The following COL27A1 variants were observed in gnomAD, a reference collection of about 807,000 sequenced individuals.
The protein encoded by COL27A1 is collagen type XXVII alpha 1 chain, also known as collagen alpha-1(XXVII) chain.
Under a neutral mutation model 251.3 loss-of-function variants are expected in COL27A1, and 106 were observed. The ratio of observed to expected loss-of-function variants is 0.42; its 90% confidence interval spans 0.36 to 0.50. COL27A1 has a LOEUF of 0.50. Among genes scored for constraint, COL27A1 ranks in the 20% least tolerant of loss-of-function variants. COL27A1 has a pLI of 0.00. For synonymous variants in COL27A1, 1,000 were observed against 986.3 expected (o/e 1.01, Z -0.26); for missense variants, 2,325 against 2,522.8 (o/e 0.92, Z 1.68).
chr9:114,252,999 G>GAGCCACCACACCCA, intron 27 of COL27A1, 67 bp downstream of exon 27: 4 of 1,302,768 alleles, frequency 3.1e-6, no homozygotes, highest in Non-Finnish European at 4.4e-6. Context: ...GGCTGGGTGT[G>GAGCCACCACACCCA]GTGGCTCACA....
intron 22 of COL27A1, among the ~76,000 whole-genome samples, chr9:114,243,197 GC>G (rs1285350049): frequency 6.6e-6 from 1 of 152,142 alleles, no homozygotes; most frequent in Admixed American, 6.5e-5. Flanking sequence ...TTCCTTCCCT[GC>G]ACCCCCCGAT....
At chr9:114,248,727 T>G (rs1243339582) in intron 24 of COL27A1, among the ~76,000 whole-genome samples, 1 of 152,218 alleles carries the variant, frequency 6.6e-6, no homozygotes. Context: ...TGTATGGCTC[T>G]TATTCATTAG....
rs544400611 is a variant in COL27A1, at chr9:114,269,095, G to A, written c.3502-146G>A. ...ACAGGAGCTCTGGTTGGTGTTTTACGATTTCTCTGTGGTCCCTGGGAAGAA... is the reference window on the plus strand; with the variant it reads ...ACAGGAGCTCTGGTTGGTGTTTTACAATTTCTCTGTGGTCCCTGGGAAGAA... On this transcript the variant is annotated intron_variant, in intron 34 of 60. Transcript: ENST00000356083. 1.1e-4 allele frequency: 64 copies of A among 575,828 alleles called. No homozygotes were observed. The South Asian group carries it at 1.4e-3, about 13-fold the overall frequency. 35.7% of individuals were successfully genotyped at this position (575,828 alleles called of 1,614,324 possible). A position where few individuals can be genotyped will look rare whatever the true frequency, so the allele number is the denominator to read the frequency against.
intron 24 of COL27A1, among the ~76,000 whole-genome samples, chr9:114,248,740 T>G: frequency 6.6e-6 from 1 of 152,118 alleles, no homozygotes; most frequent in Non-Finnish European, 1.5e-5. Context: ...TTCATTAGGA[T>G]CTTGTTTGGT....
intron 10 of COL27A1, among the ~76,000 whole-genome samples, chr9:114,206,819 T>C (rs1829998077): frequency 1.3e-5 from 2 of 152,156 alleles, no homozygotes; most frequent in Non-Finnish European, 2.9e-5. Context: ...GTTGCCTACC[T>C]CTACAATGGT....
At chr9:114,300,717 G>A in intron 51 of COL27A1, 30 bp downstream of exon 51, 2 of 1,484,988 alleles carry the variant, frequency 1.3e-6, no homozygotes, top group South Asian at 1.4e-5. Flanking sequence ...TCGGAGCAGA[G>A]ATGATTGTCC....
intron 14 of COL27A1, among the ~76,000 whole-genome samples, chr9:114,225,633 A>G (rs1165264171): frequency 2.6e-5 from 4 of 152,232 alleles, no homozygotes; most frequent in Non-Finnish European, 5.9e-5. Context: ...TTAAAGAGGA[A>G]GAGGGATTGT....
chr9:114,157,037 G>C (rs1285771477), intron 1 of COL27A1, among the ~76,000 whole-genome samples: 1 of 151,566 alleles, frequency 6.6e-6, no homozygotes, highest in East Asian at 1.9e-4. Context: ...GAAAAAGCTG[G>C]CTGTTTGCGA....
intron 40 of COL27A1, 97 bp downstream of exon 40, chr9:114,283,859 A>G: frequency 7.9e-7 from 1 of 1,258,438 alleles, no homozygotes; most frequent in Non-Finnish European, 1.1e-6. Context: ...TCCCAGCTGA[A>G]GGCTGACCCC....
chr9:114,301,747 G>T, intron 55 of COL27A1, 30 bp downstream of exon 55: 2 of 1,605,912 alleles, frequency 1.2e-6, no homozygotes, highest in Non-Finnish European at 1.7e-6. Flanking sequence ...GTGCATCTTG[G>T]ACTCCTGGGG....
intron 1 of COL27A1, among the ~76,000 whole-genome samples, chr9:114,161,685 C>T (rs1848502463): frequency 6.6e-6 from 1 of 152,242 alleles, no homozygotes; most frequent in Non-Finnish European, 1.5e-5. Flanking sequence ...TGCCTGTGTC[C>T]CGCCTGTCTC....
At chr9:114,305,608 G>C (rs111548718) in intron 57 of COL27A1, among the ~76,000 whole-genome samples, 11,017 of 152,286 alleles carry the variant, frequency 0.072, 561 homozygotes, top group Middle Eastern at 0.14. Flanking sequence ...ACCTGCCAGG[G>C]GCTCTGCCCT....
At chr9:114,293,317 A>C (rs1828042583) in intron 49 of COL27A1, among the ~76,000 whole-genome samples, 1 of 152,214 alleles carries the variant, frequency 6.6e-6, no homozygotes, top group Non-Finnish European at 1.5e-5. Context: ...AGACCAAAAG[A>C]GATGTTAGTA....
In COL27A1 at chr9:114,290,449, C is replaced by A; in HGVS notation, c.4368+118C>A. 1.2e-6 allele frequency: 1 copy of A among 848,266 alleles called. No homozygotes were observed. The highest frequency in any genetic ancestry group is 1.8e-6 in the Non-Finnish European group (1 of 554,268). 52.5% of individuals were successfully genotyped at this position (848,266 alleles called of 1,614,324 possible). On this transcript the variant is annotated intron_variant, in intron 47 of 60. Transcript: ENST00000356083. The surrounding 1 kb of genome is among the most constrained non-coding windows in gnomAD (Gnocchi z 4.6). ...GAAACTTGGATGGGCAGAACCAACA[C>A]ATCCAGAAGTTCTCTGGGGTGGGCA... is the stretch of plus-strand genomic sequence containing the variant.
chr9:114,308,253 G>C (rs988266144), intron 59 of COL27A1, among the ~76,000 whole-genome samples: 1 of 152,218 alleles, frequency 6.6e-6, no homozygotes, highest in Non-Finnish European at 1.5e-5. Context: ...ACCAAGGCAG[G>C]TGGCAGCATG....
intron 49 of COL27A1, among the ~76,000 whole-genome samples, chr9:114,293,366 T>C (rs1443158946): frequency 6.6e-6 from 1 of 152,100 alleles, no homozygotes; most frequent in Admixed American, 6.5e-5. Context: ...CATATAAAAA[T>C]TGGTGAAATG....
chr9:114,259,552 G>GA (rs11463374), intron 28 of COL27A1, among the ~76,000 whole-genome samples: 12,005 of 152,152 alleles, frequency 0.079, 1,032 homozygotes, highest in African/African-American at 0.22. Context: ...CCCAAGCCCT[G>GA]AACACCTCTG....
At chr9:114,170,886 G>T (rs1243612462) in intron 3 of COL27A1, among the ~76,000 whole-genome samples, 1 of 152,190 alleles carries the variant, frequency 6.6e-6, no homozygotes, top group East Asian at 1.9e-4. Flanking sequence ...TGGGCTCAAT[G>T]GCGGTGAGGT....
intron 17 of COL27A1, 60 bp from the exon 18 acceptor site, chr9:114,236,921 G>C: frequency 3.3e-6 from 5 of 1,523,130 alleles, no homozygotes; most frequent in Non-Finnish European, 3.6e-6. Context: ...GGACTGGGCG[G>C]CTGTTCACCT....
Sources: allele counts gnomAD v4.1 joint callset (sites outside exome capture counted in the v4.1 genomes callset), GRCh38; gene constraint gnomAD v4.1.1; non-coding constraint Gnocchi (gnomAD v3.1); transcripts MANE v1.5; gene names NCBI Gene and HGNC (gene_info 2026-07-23, HGNC 2026-07-21).